SGK3: variants seen among roughly 807,000 people sequenced by gnomAD.
SGK3 encodes the protein serine/threonine-protein kinase Sgk3.
Under a neutral mutation model 68.5 loss-of-function variants are expected in SGK3, and 47 were observed. The observed-to-expected ratio is 0.69, with a 90% confidence interval of 0.54 to 0.87. The LOEUF is 0.87. Ranked by LOEUF, SGK3 falls within the 40% of genes least tolerant of loss-of-function variation. The probability of loss-of-function intolerance (pLI) is 0.00; values close to 1 mark genes in which losing one functional copy is unlikely to be tolerated. For missense variants in SGK3, 479 were observed against 575.5 expected (o/e 0.83, Z 1.72); for synonymous variants, 181 against 189.1 (o/e 0.96, Z 0.35).
At chr8:66,745,520 GC>G (rs1442027046) in intron 1 of SGK3, among the ~76,000 whole-genome samples, 2 of 152,092 alleles carry the variant, frequency 1.3e-5, no homozygotes, top group Non-Finnish European at 2.9e-5. Context: ...CTTGTAGTGA[GC>G]CGAGACCACG....
intron 3 of SGK3, among the ~76,000 whole-genome samples, chr8:66,801,197 C>G (rs1287141470): frequency 3.9e-5 from 6 of 152,142 alleles, no homozygotes; most frequent in African/African-American, 1.4e-4. Flanking sequence ...TTAACCATCC[C>G]AAATCTGAAA....
intron 14 of SGK3, among the ~76,000 whole-genome samples, chr8:66,845,742 G>C (rs1809985278): frequency 7.2e-6 from 1 of 139,330 alleles, no homozygotes; most frequent in African/African-American, 2.6e-5. Context: ...ATTTATAGTA[G>C]AGACAGGGTG....
intron 1 of SGK3, among the ~76,000 whole-genome samples, chr8:66,736,071 A>C (rs1163662235): frequency 6.6e-6 from 1 of 152,188 alleles, no homozygotes; most frequent in Admixed American, 6.5e-5. Flanking sequence ...GATTATATTT[A>C]ACAGTAGTTA....
At chr8:66,853,536 G>T (rs1158669178) in intron 16 of SGK3, among the ~76,000 whole-genome samples, 1 of 152,118 alleles carries the variant, frequency 6.6e-6, no homozygotes, top group African/African-American at 2.4e-5. Context: ...CTAAGCTTCA[G>T]TATTTCTATG....
At chr8:66,749,041 C>T (rs1156987707) in intron 1 of SGK3, among the ~76,000 whole-genome samples, 1 of 152,102 alleles carries the variant, frequency 6.6e-6, no homozygotes, top group Admixed American at 6.6e-5. Context: ...GGACTACAGG[C>T]GTGCATCACC....
At chr8:66,795,288 A>G (rs187262461) in intron 2 of SGK3, among the ~76,000 whole-genome samples, 21 of 152,312 alleles carry the variant, frequency 1.4e-4, no homozygotes, top group Admixed American at 1.2e-3. Flanking sequence ...CACACTTGGT[A>G]CCACATCCCA....
intron 7 of SGK3, among the ~76,000 whole-genome samples, chr8:66,829,553 A>C (rs1003997861): frequency 1.3e-5 from 2 of 152,108 alleles, no homozygotes; most frequent in Non-Finnish European, 1.5e-5. Flanking sequence ...GGGAGTAATT[A>C]TCTCTGTTAA....
intron 14 of SGK3, among the ~76,000 whole-genome samples, 163 bp from the exon 15 acceptor site, chr8:66,847,030 T>C (rs929565809): frequency 4.6e-5 from 7 of 152,234 alleles, no homozygotes; most frequent in Non-Finnish European, 1.0e-4. Flanking sequence ...TGTTCGGTTT[T>C]AGAATCTCTT....
chr8:66,846,274 A>G lies in SGK3; in HGVS notation c.1075-919A>G, dbSNP rs150882094. Among the ~76,000 whole-genome samples, 11 of 152,322 alleles carry G rather than the reference A, an allele frequency of 7.2e-5. No individual in the cohort carries two copies. In the East Asian group the frequency reaches 1.7e-3, roughly 24 times the overall value. The stretch of plus-strand genomic sequence containing the variant: ...GATAATCTTCTTTCCTCTTATTCCC[A>G]GAGTACAGAAACCTGTACAGCTCAT... On this transcript the variant is annotated intron_variant, in intron 14 of 16. Coordinates refer to ENST00000521198, the MANE Select transcript of SGK3 (RefSeq NM_001033578.3).
intron 1 of SGK3, among the ~76,000 whole-genome samples, chr8:66,760,702 A>G (rs1341356224): frequency 6.6e-6 from 1 of 152,202 alleles, no homozygotes; most frequent in Non-Finnish European, 1.5e-5. Flanking sequence ...TTTGTCCGTC[A>G]TCATTTCAAG....
chr8:66,752,742 G>A (rs1805855506), intron 1 of SGK3, among the ~76,000 whole-genome samples: 1 of 152,170 alleles, frequency 6.6e-6, no homozygotes, highest in African/African-American at 2.4e-5. Context: ...GGATGTAGGG[G>A]ATGCTGAGGG....
intron 1 of SGK3, among the ~76,000 whole-genome samples, chr8:66,720,140 A>G (rs1804755070): frequency 6.6e-6 from 1 of 152,258 alleles, no homozygotes; most frequent in East Asian, 1.9e-4. Flanking sequence ...ATAGACTGAC[A>G]AATCCATCCA....
intron 6 of SGK3, among the ~76,000 whole-genome samples, chr8:66,823,394 T>G (rs1338732600): frequency 6.6e-6 from 1 of 151,824 alleles, no homozygotes; most frequent in East Asian, 1.9e-4. Flanking sequence ...CCTTGTTTTT[T>G]TTTTTTTTTG....
At position 66,847,256 on chromosome 8, in the gene SGK3, T is replaced by C; in HGVS notation, c.1138T>C (p.Leu380=). ...CAATATCCTTCACAAACCCCTAAGT[T>C]TGAGGCCAGGAGTGAGTCTTACAGC... The part of the protein sequence containing the change: ...YDNILHKPLS[L]RPGVSLTAWS... The change falls in exon 15 of 17, where the codon TTG becomes CTG. Residue 380 remains leucine, a synonymous_variant. Coordinates refer to ENST00000521198, the MANE Select transcript of SGK3 (RefSeq NM_001033578.3). The C allele has an allele frequency of 6.2e-7, 1 of 1,614,044 alleles. No individual in the cohort carries two copies. The highest frequency in any genetic ancestry group is 1.1e-5 in the South Asian group (1 of 91,070).
chr8:66,730,293 TA>T (rs1225574373), intron 1 of SGK3, among the ~76,000 whole-genome samples: 3 of 152,196 alleles, frequency 2.0e-5, no homozygotes, highest in East Asian at 1.9e-4. Context: ...CTTTCCTTAT[TA>T]AAAAAAATTT....
rs1563663342 is a variant in SGK3 at position 66,856,472 on chromosome 8, A to G, written c.1321-2939A>G. On this transcript the variant is annotated intron_variant, in intron 16 of 16. Transcript: ENST00000521198. ...TTGGGATTGTTTTTTGGATTTTTGGATTTACTTACTGATTGAGCATCCCAT... is the reference window on the plus strand; with the variant it reads ...TTGGGATTGTTTTTTGGATTTTTGGGTTTACTTACTGATTGAGCATCCCAT... Among the ~76,000 whole-genome samples the G allele has an allele frequency of 2.6e-5, 4 of 152,132 alleles. No homozygotes were observed. In the South Asian group the frequency reaches 6.2e-4, roughly 24 times the overall value.
chr8:66,821,250 G>A (rs1808801920), intron 5 of SGK3, among the ~76,000 whole-genome samples: 1 of 151,830 alleles, frequency 6.6e-6, no homozygotes, highest in South Asian at 2.1e-4. Context: ...ACTTTAATGT[G>A]TTTGATATAT....
chr8:66,791,263 C>A (rs953040454), intron 1 of SGK3, among the ~76,000 whole-genome samples: 2 of 152,206 alleles, frequency 1.3e-5, no homozygotes, highest in African/African-American at 4.8e-5. Context: ...ACTCTCATGG[C>A]TGAACCCAGC....
rs922542708 is a variant in SGK3, at chr8:66,851,403, C to G, written c.1320+483C>G. ...TGTGGTGATGCATGCCTTTACACTCCCAAACTACTAGGGAGGCTGAAGCAT... is the reference window on the plus strand; with the variant it reads ...TGTGGTGATGCATGCCTTTACACTCGCAAACTACTAGGGAGGCTGAAGCAT... On this transcript the variant is annotated intron_variant, in intron 16 of 16. Transcript: ENST00000521198. Among the ~76,000 whole-genome samples, 3 of 151,800 alleles carry G rather than the reference C, an allele frequency of 2.0e-5. No individual in the cohort carries two copies. In the East Asian group the frequency reaches 5.8e-4, roughly 29 times the overall value.
Sources: gnomAD v4.1 joint callset for allele counts (sites outside exome capture counted in the v4.1 genomes callset) on GRCh38, gnomAD v4.1.1 for gene constraint, MANE v1.5 for transcripts, NCBI Gene and HGNC (gene_info 2026-07-23, HGNC 2026-07-21) for gene names.